Variants in RICTOR observed in about 807,000 individuals in gnomAD.
RICTOR encodes the protein RPTOR independent companion of MTOR complex 2, also known as rapamycin-insensitive companion of mTOR.
A neutral mutation model predicts 214.9 loss-of-function variants in RICTOR; 49 were observed. The observed-to-expected ratio is 0.23, with a 90% CI of 0.18 to 0.29. The LOEUF (loss-of-function observed/expected upper bound fraction) is 0.29. Ranked by LOEUF, RICTOR falls within the 10% of genes least tolerant of loss-of-function variation. The probability of loss-of-function intolerance (pLI) is 1.00; values close to 1 mark genes in which losing one functional copy is unlikely to be tolerated. For missense variants in RICTOR, 1,625 were observed against 2,047.0 expected (o/e 0.79, Z 3.98); for synonymous variants, 717 against 711.3 (o/e 1.01, Z -0.13).
chr5:38,991,032 T>C lies in RICTOR; in HGVS notation c.500A>G (p.Asn167Ser), dbSNP rs1006200850. 12 of 1,601,660 alleles carry C rather than the reference T, an allele frequency of 7.5e-6. No homozygotes were observed. Among genetic ancestry groups the C allele is most frequent in the East Asian group, 2.3e-5 (1 of 44,168 alleles). ...NASLFPSSVT[N>S]SLIAVGNDGL... ...ATCATTTCCAACTGCAATTAATGAG[T>C]TGGTCACAGAACTAGGAAACAAGGA... is the stretch of plus-strand genomic sequence containing the variant. Residue 167 changes from asparagine to serine, a missense_variant, in exon 7 of 38, where the codon AAC becomes AGC. This residue lies in a region of RICTOR where 258 missense variants were observed against 393.7 expected (regional missense o/e 0.66). Coordinates refer to ENST00000357387, the MANE Select transcript of RICTOR (RefSeq NM_152756.5).
In RICTOR at chr5:38,967,152, A is replaced by T; in HGVS notation, c.1218+9T>A. On this transcript the variant is annotated intron_variant, in intron 14 of 37. Coordinates refer to ENST00000357387, the MANE Select transcript of RICTOR (RefSeq NM_152756.5). ...CAAAATGGAATAAAATAAGGTTTAT[A>T]AGTCTTACCTCTAAAAGTCCATTAC... The T allele has an allele frequency of 6.4e-7, 1 of 1,571,880 alleles. No homozygotes were observed. The highest frequency in any genetic ancestry group is 8.8e-7 in the Non-Finnish European group (1 of 1,141,954).
intron 2 of RICTOR, among the ~76,000 whole-genome samples, chr5:39,066,828 T>A (rs1218370184): frequency 6.6e-6 from 1 of 152,190 alleles, no homozygotes; most frequent in African/African-American, 2.4e-5. Flanking sequence ...ATAATGAGGG[T>A]GACCTTTGCT....
intron 6 of RICTOR, among the ~76,000 whole-genome samples, chr5:38,991,654 A>G (rs1487909748): frequency 6.6e-6 from 1 of 152,168 alleles, no homozygotes; most frequent in Non-Finnish European, 1.5e-5. Flanking sequence ...ACCAGAAAGC[A>G]GAGTTCATAA....
In RICTOR at chr5:38,941,989, G is replaced by A. The variant is rs913284047; in HGVS notation, c.*315C>T. The A allele has an allele frequency of 1.9e-5, 5 of 261,070 alleles. No individual in the cohort carries two copies. The highest frequency in any genetic ancestry group is 3.6e-5 in the Non-Finnish European group (5 of 137,486). The allele number at this position is 261,070 out of a possible 1,614,324, so 16.2% of individuals were successfully genotyped here. On this transcript the variant is annotated 3_prime_UTR_variant, in exon 38 of 38. Coordinates refer to ENST00000357387, the MANE Select transcript of RICTOR (RefSeq NM_152756.5). ...CCCATTATTGTTCCACTGTCATTAT[G>A]CTTTTAAAATGAAAGAAAATAGAAA...
chr5:39,028,308 A>G (rs938117228), intron 2 of RICTOR, among the ~76,000 whole-genome samples: 4 of 143,404 alleles, frequency 2.8e-5, no homozygotes, highest in Admixed American at 7.4e-5. Context: ...TCAGCCTCCC[A>G]AGTAGCTGGG....
At position 38,994,451 on chromosome 5, in the gene RICTOR, A is replaced by AAAAAAAAAAAAAAAAAAAAAAAAAAAAG. The variant is rs1304761708; in HGVS notation, c.456+2367_456+2368insCTTTTTTTTTTTTTTTTTTTTTTTTTTT. Among the ~76,000 whole-genome samples, 5 of 101,562 alleles carry AAAAAAAAAAAAAAAAAAAAAAAAAAAAG rather than the reference A, an allele frequency of 4.9e-5. 1 individual carries two copies. Among genetic ancestry groups the AAAAAAAAAAAAAAAAAAAAAAAAAAAAG allele is most frequent in the Middle Eastern group, 7.8e-3 (1 of 128 alleles). 66.6% of individuals were successfully genotyped at this position (101,562 alleles called of 152,430 possible). ...AAAAAAAAAAAAAAAAAAAAAAAAAAAGTGCTTCAGATGCCAAAAGCACTA... is the reference window on the plus strand; with the variant it reads ...AAAAAAAAAAAAAAAAAAAAAAAAAAAAAAAAAAAAAAAAAAAAAAAAAAAAAGAGTGCTTCAGATGCCAAAAGCACTA... On this transcript the variant is annotated intron_variant, in intron 6 of 37. Transcript: ENST00000357387.
At chr5:38,980,915 T>C (rs1340250488) in intron 8 of RICTOR, 1 of 152,056 alleles carries the variant, frequency 6.6e-6, no homozygotes, top group Non-Finnish European at 1.5e-5. Flanking sequence ...AATTTTAAAA[T>C]TACAGTTTTC....
rs201005407 is a variant in RICTOR at position 39,035,960 on chromosome 5, ACAGAACGC to A, written c.98-14832_98-14825del. ...GCCAACATTCAGATTCAGGAAACAC[ACAGAACGC>A]CACAAAGATACTCCTCGAGAAGAGC... On this transcript the variant is annotated intron_variant, in intron 2 of 37. Transcript: ENST00000357387. Among the ~76,000 whole-genome samples the A allele has an allele frequency of 4.9e-3, 753 of 152,286 alleles. 9 individuals are homozygous for A. The highest frequency in any genetic ancestry group is 0.017 in the African/African-American group (723 of 41,546).
chr5:38,990,844 G>GATATATGATATATGAGATATATGATAT (rs1561503763), intron 7 of RICTOR, 105 bp downstream of exon 7: 3 of 73,332 alleles, frequency 4.1e-5, no homozygotes, highest in African/African-American at 5.3e-5. Context: ...AGATATATGA[G>GATATATGATATATGAGATATATGATAT]ATATATGATA....
intron 2 of RICTOR, among the ~76,000 whole-genome samples, chr5:39,055,100 A>C (rs1758111633): frequency 6.6e-6 from 1 of 152,128 alleles, no homozygotes; most frequent in African/African-American, 2.4e-5. Flanking sequence ...GCTACAGTCT[A>C]TTGTCCAAGG....
At chr5:39,055,970 C>G (rs1400210689) in intron 2 of RICTOR, among the ~76,000 whole-genome samples, 1 of 152,152 alleles carries the variant, frequency 6.6e-6, no homozygotes, top group African/African-American at 2.4e-5. Context: ...GGACAAGGAA[C>G]GAGGTTAAGA....
At chr5:38,985,727 G>A (rs1166100846) in intron 7 of RICTOR, among the ~76,000 whole-genome samples, 3 of 149,268 alleles carry the variant, frequency 2.0e-5, no homozygotes, top group Non-Finnish European at 4.4e-5. Context: ...ACGGAGTCTC[G>A]CACTGTCACC....
intron 2 of RICTOR, among the ~76,000 whole-genome samples, chr5:39,069,049 A>G (rs970633688): frequency 1.3e-5 from 2 of 152,264 alleles, no homozygotes; most frequent in Non-Finnish European, 2.9e-5. Context: ...ATTAAGTAAA[A>G]TAATGAAATC....
At chr5:39,043,892 G>A (rs1757325839) in intron 2 of RICTOR, among the ~76,000 whole-genome samples, 1 of 152,198 alleles carries the variant, frequency 6.6e-6, no homozygotes, top group African/African-American at 2.4e-5. Context: ...ACTCTTCAAT[G>A]ACAGCAAGAA....
At chr5:39,064,622 A>T (rs1358478021) in intron 2 of RICTOR, among the ~76,000 whole-genome samples, 1 of 152,226 alleles carries the variant, frequency 6.6e-6, no homozygotes, top group East Asian at 1.9e-4. Flanking sequence ...TCGCAGTCTT[A>T]TTCTTGGTAG....
intron 32 of RICTOR, 121 bp from the exon 33 acceptor site, chr5:38,946,673 C>G: frequency 1.6e-6 from 1 of 626,200 alleles, no homozygotes; most frequent in Non-Finnish European, 2.8e-6. Flanking sequence ...AACCTATAAT[C>G]AAGTTTACTG....
intron 2 of RICTOR, among the ~76,000 whole-genome samples, chr5:39,052,059 T>C (rs1206047267): frequency 6.6e-6 from 1 of 152,054 alleles, no homozygotes; most frequent in Non-Finnish European, 1.5e-5. Context: ...TGAGTCAAAA[T>C]CTCAGTCAGC....
At chr5:39,063,417 G>A (rs1240686158) in intron 2 of RICTOR, among the ~76,000 whole-genome samples, 4 of 152,058 alleles carry the variant, frequency 2.6e-5, no homozygotes, top group African/African-American at 9.7e-5. Flanking sequence ...TAATGTACCA[G>A]GAAAACGTTC....
intron 2 of RICTOR, among the ~76,000 whole-genome samples, chr5:39,044,249 A>G (rs183591785): frequency 2.6e-5 from 4 of 152,306 alleles, no homozygotes. Context: ...TAATAAATTC[A>G]TGTCTCTCTA....
Sources: gnomAD v4.1 joint callset for allele counts (sites outside exome capture counted in the v4.1 genomes callset) on GRCh38, gnomAD v4.1.1 for gene constraint, gnomAD v4.1.1 regional missense constraint, MANE v1.5 for transcripts, NCBI Gene and HGNC (gene_info 2026-07-23, HGNC 2026-07-21) for gene names.